The following FYB1 variants were observed in gnomAD, a reference collection of about 807,000 sequenced individuals.
FYB1 encodes the protein FYN-binding protein 1.
FYB1 carries 41 observed loss-of-function variants against 94.1 expected under a neutral mutation model. The observed-to-expected ratio is 0.44, with a 90% CI of 0.34 to 0.57. The LOEUF (loss-of-function observed/expected upper bound fraction) is 0.57, where lower values mean the gene tolerates loss of function less well. Among genes scored for constraint, FYB1 ranks in the 20% least tolerant of loss-of-function variants. The pLI is 0.02. For missense variants in FYB1, 1,050 were observed against 976.8 expected, an observed-to-expected ratio of 1.07 and a Z score of -1.00; for synonymous variants, 367 against 353.2, an observed-to-expected ratio of 1.04 and a Z score of -0.44.
intron 16 of FYB1, among the ~76,000 whole-genome samples, chr5:39,115,097 A>AT (rs758792719): frequency 2.0e-5 from 2 of 99,302 alleles, no homozygotes; most frequent in Non-Finnish European, 4.5e-5. Context: ...TGAAACACAT[A>AT]ATTTTTTTTT....
At chr5:39,268,764 C>G (rs1200189811) in intron 1 of FYB1, among the ~76,000 whole-genome samples, 2 of 152,006 alleles carry the variant, frequency 1.3e-5, no homozygotes, top group African/African-American at 4.8e-5. Context: ...GGGGTTTCAT[C>G]ATGTTGGTCA....
chr5:39,233,265 C>T (rs550708599), intron 1 of FYB1, among the ~76,000 whole-genome samples: 2 of 152,138 alleles, frequency 1.3e-5, no homozygotes, highest in African/African-American at 4.8e-5. Flanking sequence ...AGATGTAGCC[C>T]CCAAAGAGCT....
At chr5:39,160,182 C>T (rs1034385365) in intron 2 of FYB1, among the ~76,000 whole-genome samples, 2 of 152,084 alleles carry the variant, frequency 1.3e-5, no homozygotes, top group African/African-American at 2.4e-5. Context: ...TTGACATCTC[C>T]AAGTCTTCAT....
chr5:39,169,890 TC>T, intron 2 of FYB1: 1 of 592,240 alleles, frequency 1.7e-6, no homozygotes, highest in South Asian at 1.5e-5. Context: ...CAGGTGTCTT[TC>T]CTTTTTCCTT....
At chr5:39,108,310 G>A (rs1318509797) in intron 17 of FYB1, 48 bp from the exon 18 acceptor site, 2 of 1,444,700 alleles carry the variant, frequency 1.4e-6, no homozygotes, top group Non-Finnish European at 1.9e-6. Context: ...TATGTTCTTG[G>A]CATTAGAGCA....
At chr5:39,215,003 A>C (rs1013328493) in intron 1 of FYB1, among the ~76,000 whole-genome samples, 2 of 152,206 alleles carry the variant, frequency 1.3e-5, no homozygotes, top group African/African-American at 4.8e-5. Flanking sequence ...AGAAAGTAGA[A>C]TGGTGGTTGC....
chr5:39,268,100 T>C (rs1340902579), intron 1 of FYB1, among the ~76,000 whole-genome samples: 1 of 152,198 alleles, frequency 6.6e-6, no homozygotes, highest in Non-Finnish European at 1.5e-5. Context: ...ATAACACTTA[T>C]AAAATTACAT....
At chr5:39,170,019 A>G (rs1444366641) in intron 2 of FYB1, 7 of 758,664 alleles carry the variant, frequency 9.2e-6, no homozygotes, top group Non-Finnish European at 1.7e-5. Flanking sequence ...GCCTAGGAAC[A>G]GATGAATTTT....
chr5:39,227,840 A>G (rs1343847452), intron 1 of FYB1, among the ~76,000 whole-genome samples: 1 of 152,206 alleles, frequency 6.6e-6, no homozygotes, highest in Non-Finnish European at 1.5e-5. Flanking sequence ...TCATTGAGTC[A>G]TGAGCTTTTG....
In FYB1 at chr5:39,124,491, A is replaced by T. The variant is rs2303806; in HGVS notation, c.2046-213T>A. 0.33 allele frequency among the ~76,000 whole-genome samples: 49,977 copies of T among 151,936 alleles called. 8,472 individuals are homozygous for T. The highest frequency in any genetic ancestry group is 0.41 in the African/African-American group (17,044 of 41,416). ...TAGCAAGACATTTTTTGAACCCCAA[A>T]TGTTTGCCAAAATGTCCAGAGTCAA... On this transcript the variant is annotated intron_variant, in intron 12 of 18. Coordinates refer to ENST00000512982, the MANE Select transcript of FYB1 (RefSeq NM_001465.6).
chr5:39,254,159 C>T (rs1458455986), intron 1 of FYB1, among the ~76,000 whole-genome samples: 2 of 152,120 alleles, frequency 1.3e-5, no homozygotes, highest in East Asian at 1.9e-4. Context: ...AGAACACACA[C>T]GTGCATGTAT....
chr5:39,192,149 C>T (rs917860513), intron 2 of FYB1, among the ~76,000 whole-genome samples: 1 of 152,220 alleles, frequency 6.6e-6, no homozygotes, highest in Non-Finnish European at 1.5e-5. Context: ...ATAACACATA[C>T]ATTTGTCCAA....
At position 39,107,366 on chromosome 5, in the gene FYB1, AC is replaced by A; in HGVS notation, c.*76del. On this transcript the variant is annotated 3_prime_UTR_variant, in exon 19 of 19. Transcript: ENST00000512982. The stretch of plus-strand genomic sequence containing the variant: ...GGTTTTGTGCATTAATTTTCTTGAT[AC>A]CCAATAACATGCCAATTAAAATCCA... 1 of 969,920 alleles carries A rather than the reference AC, an allele frequency of 1.0e-6. No individual in the cohort carries two copies. Among genetic ancestry groups the A allele is most frequent in the South Asian group, 2.1e-5 (1 of 48,572 alleles). 60.1% of individuals were successfully genotyped at this position (969,920 alleles called of 1,614,324 possible). A position where few individuals can be genotyped will look rare whatever the true frequency, so the allele number is the denominator to read the frequency against.
intron 3 of FYB1, among the ~76,000 whole-genome samples, chr5:39,148,183 A>G (rs1274718247): frequency 1.2e-5 from 1 of 85,868 alleles, no homozygotes; most frequent in Non-Finnish European, 2.2e-5. Flanking sequence ...ATATATATAT[A>G]TATATATATA....
At position 39,139,055 on chromosome 5, in the gene FYB1, G is replaced by A. The variant is rs1741913328; in HGVS notation, c.1359+178C>T. The A allele has an allele frequency of 1.1e-5, 7 of 648,674 alleles. No individual in the cohort carries two copies. The East Asian group carries it at 2.1e-4, about 20-fold the overall frequency. The allele number at this position is 648,674 out of a possible 1,614,324, so 40.2% of individuals were successfully genotyped here. On this transcript the variant is annotated intron_variant, in intron 5 of 18. Coordinates refer to ENST00000512982, the MANE Select transcript of FYB1 (RefSeq NM_001465.6). ...CACTACAGCATTATAATGAGTCAGT[G>A]TGATGACTAGTGTGTAACATCTTAA...
rs762571584 is a variant in FYB1 at position 39,110,372 on chromosome 5, T to G, written c.2419A>C (p.Ser807Arg). The G allele has an allele frequency of 1.3e-6, 2 of 1,596,238 alleles. No homozygotes were observed. Among genetic ancestry groups the G allele is most frequent in the Non-Finnish European group, 1.7e-6 (2 of 1,168,570 alleles). ...EEGKYGYVLR[S>R]YLADNDGEIY... ...TGGGCTTACTTGTCCGCTAGGTAAC[T>G]CCGAAGGACATAACCATCTACGAAG... Residue 807 changes from serine (S) to arginine (R), a missense_variant, in exon 17 of 19, where the codon AGT becomes CGT. By Grantham distance (110) the Ser-to-Arg change is moderately radical (BLOSUM62 -1). Transcript: ENST00000512982.
At chr5:39,142,927 G>A (rs977413732) in intron 3 of FYB1, among the ~76,000 whole-genome samples, 3 of 152,090 alleles carry the variant, frequency 2.0e-5, no homozygotes, top group African/African-American at 4.8e-5. Flanking sequence ...CTCCTGGCTC[G>A]CTTCTTGTCT....
chr5:39,227,789 A>G (rs890177972), intron 1 of FYB1, among the ~76,000 whole-genome samples: 5 of 152,208 alleles, frequency 3.3e-5, no homozygotes, highest in Non-Finnish European at 7.3e-5. Flanking sequence ...AAAAAATTTC[A>G]ACTCCTTAAT....
chr5:39,198,722 G>A (rs1255545491), intron 2 of FYB1, among the ~76,000 whole-genome samples: 1 of 152,086 alleles, frequency 6.6e-6, no homozygotes, highest in African/African-American at 2.4e-5. Flanking sequence ...TTTAAGGTGG[G>A]CTAGGCTAAG....
Sources: gnomAD v4.1 joint callset for allele counts (sites outside exome capture counted in the v4.1 genomes callset) on GRCh38, gnomAD v4.1.1 for gene constraint, MANE v1.5 for transcripts, NCBI Gene and HGNC (gene_info 2026-07-23, HGNC 2026-07-21) for gene names.